Variants in NRXN3 observed in about 807,000 individuals in gnomAD.
NRXN3 encodes the protein neurexin III.
In NRXN3, 32 loss-of-function variants were observed where a neutral mutation model predicts 137.6. The observed-to-expected ratio is 0.23, with a 90% CI of 0.18 to 0.31. The LOEUF (loss-of-function observed/expected upper bound fraction) is 0.31. Among genes scored for constraint, NRXN3 ranks in the 10% least tolerant of loss-of-function variants. NRXN3 has a pLI of 1.00. For missense variants in NRXN3, 1,574 were observed against 2,062.5 expected, an observed-to-expected ratio of 0.76 and a Z score of 4.59; for synonymous variants, 798 against 784.5, an observed-to-expected ratio of 1.02 and a Z score of -0.29.
Position 79,640,538 on chromosome 14 carries a change from G to T in NRXN3, c.3445-23240G>T, listed in dbSNP as rs1045124078. The stretch of plus-strand genomic sequence containing the variant: ...ATTTTGCTTAAGTTTTAAAGATTTG[G>T]CCTTTCTCTTTTTATGTTGATTACC... On this transcript the variant is annotated intron_variant, in intron 16 of 20. Transcript: ENST00000335750. Among the ~76,000 whole-genome samples the T allele has an allele frequency of 3.0e-5, 4 of 135,030 alleles. 2 individuals are homozygous for T. The Admixed American group carries it at 3.1e-4, about 11-fold the overall frequency. The allele number at this position is 135,030 out of a possible 152,430, so 88.6% of individuals were successfully genotyped here.
intron 17 of NRXN3, among the ~76,000 whole-genome samples, chr14:79,666,529 C>A (rs904133396): frequency 5.9e-5 from 9 of 151,700 alleles, no homozygotes; most frequent in African/African-American, 2.2e-4. Flanking sequence ...AAACAGAGAC[C>A]CAAGGAGGTG....
chr14:79,677,245 GATAAA>G (rs1317749423), intron 17 of NRXN3, among the ~76,000 whole-genome samples: 11 of 151,926 alleles, frequency 7.2e-5, no homozygotes, highest in African/African-American at 2.2e-4. Context: ...TAAACAAAAT[GATAAA>G]TAGGAGGAAG....
At chr14:78,572,670 A>T (rs1349260273) in intron 4 of NRXN3, among the ~76,000 whole-genome samples, 1 of 152,186 alleles carries the variant, frequency 6.6e-6, no homozygotes, top group African/African-American at 2.4e-5. Flanking sequence ...TTGACATAGC[A>T]AGTTTGAAAT....
intron 10 of NRXN3, among the ~76,000 whole-genome samples, chr14:78,940,339 T>C (rs1050906730): frequency 2.0e-5 from 3 of 152,218 alleles, no homozygotes; most frequent in African/African-American, 7.2e-5. Context: ...CAGACCCAAA[T>C]GTGCATGTAT....
chr14:78,418,224 T>TA (rs1464426607), intron 4 of NRXN3, among the ~76,000 whole-genome samples: 1 of 152,184 alleles, frequency 6.6e-6, no homozygotes, highest in Non-Finnish European at 1.5e-5. Context: ...AAGCAAGTCT[T>TA]ACACACATGG....
chr14:79,243,960 C>A (rs1356279982), intron 15 of NRXN3, among the ~76,000 whole-genome samples: 1 of 152,134 alleles, frequency 6.6e-6, no homozygotes, highest in Non-Finnish European at 1.5e-5. Flanking sequence ...GCCACACTAT[C>A]ATTAACTACG....
chr14:79,189,819 C>G (rs1218329456), intron 15 of NRXN3, among the ~76,000 whole-genome samples: 1 of 152,114 alleles, frequency 6.6e-6, no homozygotes, highest in Non-Finnish European at 1.5e-5. Flanking sequence ...CATATATAAC[C>G]TATTTCACAG....
At chr14:79,441,364 A>ATTTTTTTT (rs2095942733) in intron 15 of NRXN3, among the ~76,000 whole-genome samples, 1 of 108,332 alleles carries the variant, frequency 9.2e-6, no homozygotes, top group East Asian at 4.0e-4. Flanking sequence ...CAAACAGAAA[A>ATTTTTTTT]TCTTTTTTTT....
chr14:79,504,675 A>ATATATATATATATATAT (rs1418274750), intron 16 of NRXN3, among the ~76,000 whole-genome samples: 170 of 141,940 alleles, frequency 1.2e-3, no homozygotes, highest in Non-Finnish European at 1.6e-3. Flanking sequence ...ATATATATAT[A>ATATATATATATATATAT]AAACATTACA....
At chr14:79,672,913 A>G (rs886447988) in intron 17 of NRXN3, among the ~76,000 whole-genome samples, 1 of 152,120 alleles carries the variant, frequency 6.6e-6, no homozygotes, top group Non-Finnish European at 1.5e-5. Context: ...TAAAAAGAAC[A>G]CTGAGCTTCT....
chr14:79,695,637 G>GAA (rs10585470), intron 18 of NRXN3, among the ~76,000 whole-genome samples: 46 of 88,160 alleles, frequency 5.2e-4, no homozygotes, highest in Admixed American at 9.2e-4. Flanking sequence ...AGGGCTTCCA[G>GAA]AAAAAAAAAA....
chr14:79,364,951 G>C (rs534544234), intron 15 of NRXN3, among the ~76,000 whole-genome samples: 12 of 152,110 alleles, frequency 7.9e-5, no homozygotes, highest in African/African-American at 2.9e-4. Context: ...TTGGTGCTTG[G>C]AAGAGATTGT....
At chr14:79,703,091 T>C (rs1051966089) in intron 19 of NRXN3, among the ~76,000 whole-genome samples, 7 of 152,106 alleles carry the variant, frequency 4.6e-5, no homozygotes, top group Non-Finnish European at 7.4e-5. Flanking sequence ...ATCACAATGC[T>C]CAGCATGGAT....
chr14:79,617,884 A>G (rs2098175032), intron 16 of NRXN3, among the ~76,000 whole-genome samples: 1 of 147,398 alleles, frequency 6.8e-6, no homozygotes, highest in African/African-American at 2.6e-5. Flanking sequence ...GTCATTTTTA[A>G]TTTTGGATTC....
chr14:79,497,015 G>A (rs1198167995), intron 16 of NRXN3, among the ~76,000 whole-genome samples: 1 of 152,204 alleles, frequency 6.6e-6, no homozygotes, highest in East Asian at 1.9e-4. Context: ...GGTGAGAGGG[G>A]AGCCAACAGG....
rs568801060 is a variant in NRXN3, at chr14:78,194,536, G to T, written c.-704+23862G>T. Among the ~76,000 whole-genome samples the T allele has an allele frequency of 1.3e-3, 204 of 152,274 alleles. 1 individual carries two copies. Among genetic ancestry groups the T allele is most frequent in the African/African-American group, 4.4e-3 (184 of 41,548 alleles). ...GTCATTGCCACCTTGACCCTTTATA[G>T]TCAGGGCCTGGCCTGCCGGGCCTGG... On this transcript the variant is annotated intron_variant, in intron 1 of 20. Coordinates refer to ENST00000335750, the MANE Select transcript of NRXN3 (RefSeq NM_001330195.2).
intron 15 of NRXN3, among the ~76,000 whole-genome samples, chr14:79,258,522 T>A (rs1281602533): frequency 2.0e-5 from 3 of 152,180 alleles, no homozygotes; most frequent in Admixed American, 1.3e-4. Context: ...TATATATTTT[T>A]AAAAATAACC....
At chr14:78,505,991 C>T (rs566652911) in intron 4 of NRXN3, among the ~76,000 whole-genome samples, 6 of 152,128 alleles carry the variant, frequency 3.9e-5, no homozygotes, top group Admixed American at 1.3e-4. Flanking sequence ...GTGGGTAAGA[C>T]GCTTAACCTG....
intron 15 of NRXN3, among the ~76,000 whole-genome samples, chr14:79,353,160 A>C (rs910362704): frequency 1.3e-5 from 2 of 152,062 alleles, no homozygotes; most frequent in Non-Finnish European, 2.9e-5. Context: ...ATATTCTAAT[A>C]ATCTCACTTT....
Sources: allele counts gnomAD v4.1 joint callset (sites outside exome capture counted in the v4.1 genomes callset), GRCh38; gene constraint gnomAD v4.1.1; transcripts MANE v1.5; gene names NCBI Gene and HGNC (gene_info 2026-07-23, HGNC 2026-07-21).